The following DPP6 variants were observed in gnomAD, a reference collection of about 807,000 sequenced individuals.
DPP6 encodes the protein dipeptidyl peptidase like 6, also known as A-type potassium channel modulatory protein DPP6.
DPP6 carries 69 observed loss-of-function variants against 122.6 expected under a neutral mutation model. That is an observed-to-expected ratio of 0.56 (90% CI 0.46 to 0.69). The LOEUF is 0.69. DPP6 is among the 30% of genes least tolerant of loss of function. The pLI is 0.00. For synonymous variants in DPP6, 418 were observed against 433.1 expected (o/e 0.97, Z 0.43); for missense variants, 928 against 1,116.9 (o/e 0.83, Z 2.41).
intron 6 of DPP6, among the ~76,000 whole-genome samples, chr7:154,667,284 T>C (rs1010775762): frequency 6.6e-6 from 1 of 152,220 alleles, no homozygotes; most frequent in Non-Finnish European, 1.5e-5. Context: ...TTATGATGCA[T>C]CTGTCATGCA....
chr7:154,309,195 T>C (rs1806635175), intron 1 of DPP6, among the ~76,000 whole-genome samples: 1 of 152,254 alleles, frequency 6.6e-6, no homozygotes, highest in Non-Finnish European at 1.5e-5. Flanking sequence ...TTTGGTTATA[T>C]GTTCAGTCAC....
intron 1 of DPP6, among the ~76,000 whole-genome samples, chr7:154,174,397 G>A (rs1797689482): frequency 6.6e-6 from 1 of 152,180 alleles, no homozygotes; most frequent in Non-Finnish European, 1.5e-5. Context: ...GTTCAGTTCA[G>A]TAGTGTGAAG....
chr7:154,022,703 C>T (rs1404745229), intron 1 of DPP6, among the ~76,000 whole-genome samples: 1 of 152,180 alleles, frequency 6.6e-6, no homozygotes, highest in African/African-American at 2.4e-5. Flanking sequence ...TCCAGTTCAT[C>T]ATGACTTCGT....
chr7:154,643,142 A>T (rs1171632695), intron 6 of DPP6, among the ~76,000 whole-genome samples: 1 of 152,196 alleles, frequency 6.6e-6, no homozygotes, highest in Non-Finnish European at 1.5e-5. Context: ...GGCTTGTTTC[A>T]TGACACTCAG....
the DPP6 span, among the ~76,000 whole-genome samples, chr7:153,785,868 A>C: frequency 6.7e-6 from 1 of 148,980 alleles, no homozygotes; most frequent in African/African-American, 2.5e-5. Context: ...TATGTTGCCC[A>C]GCCTGTCTTT....
intron 1 of DPP6, among the ~76,000 whole-genome samples, chr7:154,205,782 AAATTAAT>A (rs1352822246): frequency 3.2e-5 from 2 of 62,912 alleles, no homozygotes; most frequent in Non-Finnish European, 8.9e-5. Context: ...AAAAAAAAAA[AAATTAAT>A]TAATTAATTA....
chr7:154,130,913 G>C (rs1221687664), intron 1 of DPP6, among the ~76,000 whole-genome samples: 1 of 152,158 alleles, frequency 6.6e-6, no homozygotes, highest in South Asian at 2.1e-4. Flanking sequence ...GACATGTCCA[G>C]GTCCTTCAGA....
intron 1 of DPP6, among the ~76,000 whole-genome samples, chr7:154,129,993 T>C (rs1019585152): frequency 2.0e-5 from 3 of 151,606 alleles, no homozygotes; most frequent in African/African-American, 7.3e-5. Context: ...GGAGAATTGC[T>C]TGAGCCTGGG....
At chr7:154,453,355 A>G (rs1820554787) in intron 2 of DPP6, among the ~76,000 whole-genome samples, 1 of 152,204 alleles carries the variant, frequency 6.6e-6, no homozygotes, top group African/African-American at 2.4e-5. Context: ...AAGACTCGTC[A>G]GTCTTTTGGG....
At chr7:154,321,660 C>A (rs1366886852) in intron 1 of DPP6, among the ~76,000 whole-genome samples, 1 of 151,358 alleles carries the variant, frequency 6.6e-6, no homozygotes, top group Non-Finnish European at 1.5e-5. Context: ...TGGCGGGTGC[C>A]TGTAATCCCA....
At chr7:154,547,963 C>CTT (rs1002994547) in intron 4 of DPP6, among the ~76,000 whole-genome samples, 1 of 152,172 alleles carries the variant, frequency 6.6e-6, no homozygotes, top group African/African-American at 2.4e-5. Flanking sequence ...AATCCCAGCA[C>CTT]TTTGGGAGGC....
At chr7:154,577,801 C>T (rs1182401672) in intron 5 of DPP6, among the ~76,000 whole-genome samples, 1 of 152,168 alleles carries the variant, frequency 6.6e-6, no homozygotes. Context: ...TGGCCATTAT[C>T]GTAGCTCATT....
At chr7:154,883,220 C>A (rs1436525786) in intron 21 of DPP6, among the ~76,000 whole-genome samples, 1 of 148,446 alleles carries the variant, frequency 6.7e-6, no homozygotes, top group Admixed American at 6.8e-5. Flanking sequence ...CACATGCTCA[C>A]CCACACAATG....
At chr7:154,619,899 A>G (rs1563019786) in intron 5 of DPP6, among the ~76,000 whole-genome samples, 1 of 152,234 alleles carries the variant, frequency 6.6e-6, no homozygotes, top group Non-Finnish European at 1.5e-5. Context: ...TTTGCAAACC[A>G]GGTACCTAGG....
At chr7:154,538,107 C>T (rs1828413085) in intron 3 of DPP6, among the ~76,000 whole-genome samples, 1 of 151,746 alleles carries the variant, frequency 6.6e-6, no homozygotes, top group African/African-American at 2.4e-5. Context: ...TTAAAAGTAC[C>T]GGAATGATAA....
chr7:154,421,440 A>C (rs1184938269), intron 1 of DPP6, among the ~76,000 whole-genome samples: 2 of 151,378 alleles, frequency 1.3e-5, no homozygotes, highest in Non-Finnish European at 2.9e-5. Context: ...CTCTTGCATC[A>C]TCCTCCTCAG....
chr7:154,329,948 T>C (rs1275998047), intron 1 of DPP6, among the ~76,000 whole-genome samples: 2 of 152,188 alleles, frequency 1.3e-5, no homozygotes, highest in Non-Finnish European at 2.9e-5. Context: ...AAACACTGCA[T>C]GTTCTCACTC....
At chr7:154,285,541 G>A (rs555314830) in intron 1 of DPP6, among the ~76,000 whole-genome samples, 21 of 152,232 alleles carry the variant, frequency 1.4e-4, no homozygotes, top group East Asian at 7.7e-4. Flanking sequence ...CTAGGATTAC[G>A]GGCATGAGCC....
chr7:154,441,503 G>A lies in DPP6; in HGVS notation c.244-4711G>A, dbSNP rs190607362. On this transcript the variant is annotated intron_variant, in intron 1 of 25. Transcript: ENST00000377770. ...TTCCTCCTTGCAGCGTTCAAAAATC[G>A]TCTCCAACTTAGAGTTCTCATTTGA... Among the ~76,000 whole-genome samples the A allele has an allele frequency of 1.8e-3, 275 of 152,118 alleles. 3 individuals carry two copies. Among genetic ancestry groups the A allele is most frequent in the Admixed American group, 2.2e-3 (34 of 15,266 alleles).
Sources: gnomAD v4.1 joint callset for allele counts (sites outside exome capture counted in the v4.1 genomes callset) on GRCh38, gnomAD v4.1.1 for gene constraint, MANE v1.5 for transcripts, NCBI Gene and HGNC (gene_info 2026-07-23, HGNC 2026-07-21) for gene names.